Variants in PAQR5 observed in about 807,000 individuals in gnomAD.
PAQR5 encodes membrane progestin receptor gamma.
In PAQR5, 20 loss-of-function variants were observed where a neutral mutation model predicts 34.5. The ratio of observed to expected loss-of-function variants is 0.58; its 90% CI spans 0.41 to 0.84. The LOEUF (loss-of-function observed/expected upper bound fraction) is 0.84. Among genes scored for constraint, PAQR5 ranks in the 40% least tolerant of loss-of-function variants. The pLI is 0.00. For synonymous variants in PAQR5, 131 were observed against 155.6 expected (o/e 0.84, Z 1.18); for missense variants, 378 against 412.7 (o/e 0.92, Z 0.73).
chr15:69,388,836 T>G (rs377123449), intron 5 of PAQR5, among the ~76,000 whole-genome samples: 1 of 152,336 alleles, frequency 6.6e-6, no homozygotes, highest in Admixed American at 6.5e-5. Flanking sequence ...GAATGACAGG[T>G]GACCTAGGCA....
At position 69,405,101 on chromosome 15, in the gene PAQR5, C is replaced by T; in HGVS notation, c.*1279C>T. ...CTCTGAATAGTTCTAAAACACTGAG[C>T]ATTTTCTCATTTGTTGCATTACTGA... On this transcript the variant is annotated 3_prime_UTR_variant, in exon 9 of 9. Transcript: ENST00000395407. 1 of 398,200 alleles carries T rather than the reference C, an allele frequency of 2.5e-6. No individual in the cohort carries two copies. The allele number at this position is 398,200 out of a possible 1,614,324, so 24.7% of individuals were successfully genotyped here.
At chr15:69,394,384 A>G (rs934061178) in intron 6 of PAQR5, among the ~76,000 whole-genome samples, 1 of 152,114 alleles carries the variant, frequency 6.6e-6, no homozygotes, top group Non-Finnish European at 1.5e-5. Context: ...AAATGTCTAC[A>G]TCCCTGCAGT....
At chr15:69,363,894 G>C (rs2055314060) in intron 3 of PAQR5, among the ~76,000 whole-genome samples, 1 of 152,042 alleles carries the variant, frequency 6.6e-6, no homozygotes. Flanking sequence ...TGACTCACAG[G>C]CTACAGGTAA....
intron 2 of PAQR5, among the ~76,000 whole-genome samples, chr15:69,351,442 C>T (rs186724852): frequency 1.3e-5 from 2 of 152,376 alleles, no homozygotes; most frequent in East Asian, 1.9e-4. Context: ...AACACATCTT[C>T]TGGTACCTGG....
Position 69,389,793 on chromosome 15 carries a change from C to A in PAQR5, c.512+13C>A. 6.2e-7 allele frequency: 1 copy of A among 1,613,830 alleles called. No homozygotes were observed. Reference sequence around the variant, plus strand: ...CCTGCTACTCCAGGTACTGGTCGCTCTGACCTCAGATGGGAGGGGAGGGAG... The same window carrying A: ...CCTGCTACTCCAGGTACTGGTCGCTATGACCTCAGATGGGAGGGGAGGGAG... On this transcript the variant is annotated intron_variant, in intron 6 of 8. Transcript: ENST00000395407.
At chr15:69,388,912 C>T (rs1333520265) in intron 5 of PAQR5, among the ~76,000 whole-genome samples, 1 of 152,220 alleles carries the variant, frequency 6.6e-6, no homozygotes, top group East Asian at 1.9e-4. Context: ...CAGGTCCAGG[C>T]CCATCTCCCC....
At chr15:69,375,731 A>G (rs1034484386) in intron 3 of PAQR5, among the ~76,000 whole-genome samples, 1 of 152,130 alleles carries the variant, frequency 6.6e-6, no homozygotes, top group Non-Finnish European at 1.5e-5. Context: ...TTTCTGTGAA[A>G]TGAGACAATA....
chr15:69,326,534 C>T lies in PAQR5; in HGVS notation c.-276-10807C>T, dbSNP rs554073505. On this transcript the variant is annotated intron_variant, in intron 1 of 8. Coordinates refer to ENST00000395407, the MANE Select transcript of PAQR5 (RefSeq NM_017705.4). Reference sequence around the variant, plus strand: ...CACTGCAATCTCTGCCTCCCAGGTTCAAGCAATTCTCCCTGCCTCAGACTC... The same window carrying T: ...CACTGCAATCTCTGCCTCCCAGGTTTAAGCAATTCTCCCTGCCTCAGACTC... 6.0e-5 allele frequency among the ~76,000 whole-genome samples: 9 copies of T among 151,118 alleles called. No homozygotes were observed. The East Asian group carries it at 1.8e-3, about 29-fold the overall frequency.
At chr15:69,357,705 T>C (rs1409148205) in intron 2 of PAQR5, among the ~76,000 whole-genome samples, 1 of 152,220 alleles carries the variant, frequency 6.6e-6, no homozygotes, top group African/African-American at 2.4e-5. Context: ...GAAAGAAGCA[T>C]ATTTACGACG....
intron 1 of PAQR5, among the ~76,000 whole-genome samples, chr15:69,318,813 C>A (rs2054013457): frequency 6.6e-6 from 1 of 151,278 alleles, no homozygotes; most frequent in South Asian, 2.1e-4. Context: ...TAAAACAGAA[C>A]AATTATTATA....
intron 1 of PAQR5, among the ~76,000 whole-genome samples, chr15:69,326,028 C>T (rs2054243192): frequency 6.6e-6 from 1 of 152,168 alleles, no homozygotes; most frequent in South Asian, 2.1e-4. Context: ...ACTTCTCCTC[C>T]AAGATGCAGT....
Position 69,359,998 on chromosome 15 carries a change from C to T in PAQR5, c.-83C>T. On this transcript the variant is annotated 5_prime_UTR_variant, in exon 3 of 9. Coordinates refer to ENST00000395407, the MANE Select transcript of PAQR5 (RefSeq NM_017705.4). ...GCACAGCACCAGCTAGGCAGAGACG[C>T]CCCAGGCCATGTTAGAGCTTTGAGT... 1 of 1,076,340 alleles carries T rather than the reference C, an allele frequency of 9.3e-7. No homozygotes were observed. The allele number at this position is 1,076,340 out of a possible 1,614,324, so 66.7% of individuals were successfully genotyped here.
intron 1 of PAQR5, among the ~76,000 whole-genome samples, chr15:69,323,888 T>C (rs2054185937): frequency 6.6e-6 from 1 of 152,170 alleles, no homozygotes; most frequent in African/African-American, 2.4e-5. Context: ...CTGCTTTTTT[T>C]CACTTAACAA....
intron 2 of PAQR5, among the ~76,000 whole-genome samples, chr15:69,349,450 G>C (rs544673715): frequency 6.6e-6 from 1 of 152,184 alleles, no homozygotes; most frequent in Admixed American, 6.5e-5. Context: ...GGATAATGTG[G>C]AAGGAACATC....
At chr15:69,396,675 T>C (rs1595943075) in intron 6 of PAQR5, among the ~76,000 whole-genome samples, 1 of 152,070 alleles carries the variant, frequency 6.6e-6, no homozygotes, top group South Asian at 2.1e-4. Context: ...GCAGAGACCC[T>C]CCCTGCCCCT....
intron 8 of PAQR5, chr15:69,401,110 G>A (rs2056613492): frequency 6.6e-6 from 1 of 152,276 alleles, no homozygotes; most frequent in Admixed American, 6.5e-5. Context: ...GGAAGGAGGG[G>A]CGGGTCCCTG....
chr15:69,363,984 G>A (rs2055316187), intron 3 of PAQR5, among the ~76,000 whole-genome samples: 1 of 152,112 alleles, frequency 6.6e-6, no homozygotes, highest in African/African-American at 2.4e-5. Context: ...ACACAGAGAG[G>A]AAAAGCAACG....
At chr15:69,329,665 A>G (rs1407467769) in intron 1 of PAQR5, among the ~76,000 whole-genome samples, 3 of 151,786 alleles carry the variant, frequency 2.0e-5, no homozygotes, top group Non-Finnish European at 4.4e-5. Context: ...TTTGTATTTT[A>G]GTAGAGACAG....
chr15:69,335,468 C>T (rs1406711833), intron 1 of PAQR5, among the ~76,000 whole-genome samples: 1 of 150,818 alleles, frequency 6.6e-6, no homozygotes, highest in Non-Finnish European at 1.5e-5. Context: ...TGGTCTCGAA[C>T]TCCCCACCTC....
Sources: gnomAD v4.1 joint callset for allele counts (sites outside exome capture counted in the v4.1 genomes callset) on GRCh38, gnomAD v4.1.1 for gene constraint, MANE v1.5 for transcripts, NCBI Gene and HGNC (gene_info 2026-07-23, HGNC 2026-07-21) for gene names.